The following TTK variants were observed in gnomAD, a reference collection of about 807,000 sequenced individuals.
The protein encoded by TTK is TTK protein kinase.
A neutral mutation model predicts 117.3 loss-of-function variants in TTK; 59 were observed. That is an observed-to-expected ratio of 0.50 (90% CI 0.41 to 0.62). The LOEUF (loss-of-function observed/expected upper bound fraction) is 0.62, where lower values mean the gene tolerates loss of function less well. Among genes scored for constraint, TTK ranks in the 20% least tolerant of loss-of-function variants. The pLI, the probability that TTK is intolerant of heterozygous loss-of-function variation, is 0.00. For missense variants in TTK, 921 were observed against 989.4 expected (o/e 0.93, Z 0.93); for synonymous variants, 302 against 325.0 (o/e 0.93, Z 0.76).
intron 13 of TTK, 76 bp downstream of exon 13, chr6:80,028,087 G>T: frequency 1.4e-6 from 2 of 1,419,842 alleles, no homozygotes; most frequent in Non-Finnish European, 1.9e-6. Flanking sequence ...ATAGCATCTA[G>T]TTATCAAGAA....
chr6:80,008,534 A>C, intron 4 of TTK, 42 bp downstream of exon 4: 1 of 1,503,098 alleles, frequency 6.7e-7, no homozygotes, highest in Non-Finnish European at 9.1e-7. Flanking sequence ...GTAAAGGATA[A>C]CTTATTACAA....
intron 9 of TTK, 128 bp downstream of exon 9, chr6:80,013,494 C>G: frequency 1.4e-6 from 1 of 710,476 alleles, no homozygotes; most frequent in Non-Finnish European, 2.3e-6. Context: ...TCCACATACC[C>G]CAAGAGCTGT....
intron 21 of TTK, 115 bp downstream of exon 21, chr6:80,040,818 C>T: frequency 1.3e-6 from 1 of 787,602 alleles, no homozygotes. Flanking sequence ...AGTTATGAAA[C>T]ATGTTTCTAC....
intron 21 of TTK, 67 bp downstream of exon 21, chr6:80,040,770 CAGGT>C: frequency 1.4e-6 from 2 of 1,481,018 alleles, no homozygotes; most frequent in Non-Finnish European, 1.8e-6. Flanking sequence ...CTTAAGGAAA[CAGGT>C]AGTCTGAAGA....
intron 10 of TTK, among the ~76,000 whole-genome samples, chr6:80,018,107 C>T (rs550857133): frequency 1.3e-4 from 19 of 151,108 alleles, no homozygotes; most frequent in African/African-American, 3.6e-4. Flanking sequence ...CCCAGGAGGT[C>T]GAGACTGCAA....
chr6:80,042,461 T>G lies in TTK; in HGVS notation c.*259T>G. On this transcript the variant is annotated 3_prime_UTR_variant, in exon 22 of 22. Coordinates refer to ENST00000369798, the MANE Select transcript of TTK (RefSeq NM_003318.5). Reference sequence around the variant, plus strand: ...ATCATTTTACTCTTGGAATAGTGGGTGGATAGCAAGTATATTCTAAAAAAC... The same window carrying G: ...ATCATTTTACTCTTGGAATAGTGGGGGGATAGCAAGTATATTCTAAAAAAC... 1 of 243,840 alleles carries G rather than the reference T, an allele frequency of 4.1e-6. No homozygotes were observed. Among genetic ancestry groups the G allele is most frequent in the Non-Finnish European group, 7.9e-6 (1 of 126,866 alleles). The allele number at this position is 243,840 out of a possible 1,614,324, so 15.1% of individuals were successfully genotyped here.
In TTK at chr6:80,009,338, A is replaced by T. The variant is rs1055094960; in HGVS notation, c.469+846A>T. Reference sequence around the variant, plus strand: ...TGAGCCTGGAGAAAATAATTATATGACTCAGAAATAATTTGAGAACCCTGA... The same window carrying T: ...TGAGCCTGGAGAAAATAATTATATGTCTCAGAAATAATTTGAGAACCCTGA... On this transcript the variant is annotated intron_variant, in intron 4 of 21. Coordinates refer to ENST00000369798, the MANE Select transcript of TTK (RefSeq NM_003318.5). 8.5e-4 allele frequency among the ~76,000 whole-genome samples: 129 copies of T among 151,954 alleles called. 1 individual carries two copies. Among genetic ancestry groups the T allele is most frequent in the Non-Finnish European group, 1.0e-3 (70 of 67,938 alleles).
chr6:80,010,764 T>C, intron 4 of TTK, 50 bp from the exon 5 acceptor site: 1 of 670,762 alleles, frequency 1.5e-6, no homozygotes, highest in East Asian at 4.2e-5. Context: ...GTGGTCTGGG[T>C]GGTGGGCATT....
Position 80,042,199 on chromosome 6 carries a change from A to G in TTK, c.2571A>G (p.Lys857=), listed in dbSNP as rs746342595. 36 of 1,596,048 alleles carry G rather than the reference A, an allele frequency of 2.3e-5. No individual in the cohort carries two copies. Among genetic ancestry groups the G allele is most frequent in the South Asian group, 5.6e-5 (5 of 88,570 alleles). The part of the protein sequence containing the change: ...SKTFEKKRGK[K] ...CTTTTGAAAAAAAAAGGGGAAAAAAATGATTTGCAGTTATTCGTAATGTCA... is the reference window on the plus strand; with the variant it reads ...CTTTTGAAAAAAAAAGGGGAAAAAAGTGATTTGCAGTTATTCGTAATGTCA... The change falls in exon 22 of 22, where the codon AAA becomes AAG. Residue 857 remains lysine (K), a synonymous_variant. Transcript: ENST00000369798.
chr6:80,028,061 T>C (rs1767653359), intron 13 of TTK, 50 bp downstream of exon 13: 1 of 1,477,820 alleles, frequency 6.8e-7, no homozygotes, highest in Non-Finnish European at 9.0e-7. Flanking sequence ...CAGTCCGTTT[T>C]ACAGCTTTTA....
intron 10 of TTK, among the ~76,000 whole-genome samples, chr6:80,018,887 GT>G (rs369281740): frequency 2.0e-5 from 3 of 151,620 alleles, no homozygotes; most frequent in Non-Finnish European, 2.9e-5. Context: ...ACTAATAATA[GT>G]TTTTTTTGTG....
At chr6:80,028,118 T>C (rs1239858293) in intron 13 of TTK, 107 bp downstream of exon 13, 31 of 1,265,948 alleles carry the variant, frequency 2.4e-5, no homozygotes, top group Non-Finnish European at 3.1e-5. Flanking sequence ...AACTTGGCCA[T>C]TCTTATTTCC....
intron 16 of TTK, 114 bp from the exon 17 acceptor site, chr6:80,036,361 G>A: frequency 2.4e-6 from 3 of 1,247,006 alleles, no homozygotes; most frequent in Non-Finnish European, 3.3e-6. Flanking sequence ...AAAAATTATT[G>A]AATTGGGTTC....
chr6:80,036,981 C>G (rs1767922858), intron 17 of TTK, among the ~76,000 whole-genome samples: 1 of 152,012 alleles, frequency 6.6e-6, no homozygotes, highest in Non-Finnish European at 1.5e-5. Flanking sequence ...TTTTATTCTT[C>G]TAGAGAAGCC....
chr6:80,007,244 T>C (rs1324837245), intron 2 of TTK, among the ~76,000 whole-genome samples: 2 of 152,100 alleles, frequency 1.3e-5, no homozygotes, highest in African/African-American at 2.4e-5. Flanking sequence ...TTAGGTTACT[T>C]GGAGAGAAGA....
At chr6:80,040,362 T>C in intron 20 of TTK, 82 bp downstream of exon 20, 2 of 1,230,654 alleles carry the variant, frequency 1.6e-6, no homozygotes, top group South Asian at 3.4e-5. Context: ...AAAGACAGAA[T>C]CTAAATTGGC....
intron 11 of TTK, among the ~76,000 whole-genome samples, chr6:80,023,629 CAT>C (rs1282953621): frequency 6.6e-6 from 1 of 152,056 alleles, no homozygotes; most frequent in Non-Finnish European, 1.5e-5. Context: ...CTGATAAACT[CAT>C]GTGAATATAA....
At chr6:80,012,308 C>T (rs538698960) in intron 8 of TTK, among the ~76,000 whole-genome samples, 2 of 152,134 alleles carry the variant, frequency 1.3e-5, no homozygotes, top group African/African-American at 4.8e-5. Context: ...GTTTGAGAGT[C>T]TCCATAACGG....
intron 11 of TTK, among the ~76,000 whole-genome samples, chr6:80,024,426 A>G (rs1767550653): frequency 6.6e-6 from 1 of 152,250 alleles, no homozygotes; most frequent in Non-Finnish European, 1.5e-5. Flanking sequence ...AACAATAAAC[A>G]GTAATGAAGT....
Sources: allele counts gnomAD v4.1 joint callset (sites outside exome capture counted in the v4.1 genomes callset), GRCh38; gene constraint gnomAD v4.1.1; transcripts MANE v1.5; gene names NCBI Gene and HGNC (gene_info 2026-07-23, HGNC 2026-07-21).